Variants in TUBB8B observed in about 807,000 individuals in gnomAD.
TUBB8B encodes HSA18p11 beta-tubulin 4Q pseudogene.
TUBB8B carries 26 observed loss-of-function variants against 31.9 expected under a neutral mutation model. That is an observed-to-expected ratio of 0.81 (90% CI 0.60 to 1.13). The LOEUF is 1.13. Among genes scored for constraint, TUBB8B ranks in the 50% most tolerant of loss-of-function variants. The pLI, the probability that TUBB8B is intolerant of heterozygous loss-of-function variation, is 0.00. For missense variants in TUBB8B, 467 were observed against 586.7 expected (o/e 0.80, Z 2.11); for synonymous variants, 173 against 231.0 (o/e 0.75, Z 2.28).
the TUBB8B span, among the ~76,000 whole-genome samples, chr18:62,668 G>T: frequency 6.6e-6 from 1 of 151,612 alleles, no homozygotes; most frequent in African/African-American, 2.4e-5. Flanking sequence ...TGATCCACCC[G>T]CCTCAGCCTC....
Position 47,474 on chromosome 18 carries a change from G to T in TUBB8B, c.1251C>A (p.Asp417Glu), listed in dbSNP as rs778844661. Residue 417 changes from aspartate (D) to glutamate (E), a missense_variant, in exon 4 of 4, where the codon GAC becomes GAA. Physicochemically the swap from Asp to Glu is conservative, Grantham distance 45. Around this residue, in one of 2 missense-constraint regions of TUBB8B, gnomAD observed 208 missense variants for 206.7 expected, o/e 1.01. Transcript: ENST00000308911. ...GATATTGCTGATATTCAGACACCAG[G>T]TCGTTCATGTTGCTCTCGGCCTCGG... is the stretch of plus-strand genomic sequence containing the variant. ...EFTEAESNMN[D>E]LVSEYQQYQD... is the part of the protein sequence containing the mutation. 5 of 1,493,688 alleles carry T rather than the reference G, an allele frequency of 3.3e-6. No individual in the cohort carries two copies. In the South Asian group the frequency reaches 5.6e-5, roughly 17 times the overall value. 92.5% of individuals were successfully genotyped at this position (1,493,688 alleles called of 1,614,324 possible).
the TUBB8B span, among the ~76,000 whole-genome samples, chr18:57,354 C>T: frequency 9.9e-5 from 15 of 151,694 alleles, no homozygotes; most frequent in Non-Finnish European, 2.1e-4. Flanking sequence ...TACTCCTATT[C>T]TAAAAGGAAT....
the TUBB8B span, among the ~76,000 whole-genome samples, chr18:72,423 A>C: frequency 4.6e-5 from 7 of 152,342 alleles, no homozygotes; most frequent in South Asian, 1.5e-3. Flanking sequence ...ACGTCATTTT[A>C]TGTACCATTA....
the TUBB8B span, among the ~76,000 whole-genome samples, chr18:64,850 G>T: frequency 2.0e-5 from 3 of 152,034 alleles, no homozygotes; most frequent in African/African-American, 7.2e-5. Context: ...TTTTCTTTCT[G>T]CTAATTTTTT....
At chr18:69,496 T>C in the TUBB8B span, among the ~76,000 whole-genome samples, 4 of 152,074 alleles carry the variant, frequency 2.6e-5, no homozygotes, top group African/African-American at 9.7e-5. Flanking sequence ...AGACAGAGAA[T>C]TCTCTCTCTT....
upstream of TUBB8B, among the ~76,000 whole-genome samples, chr18:53,842 C>A (rs1906199975): frequency 6.6e-6 from 1 of 151,724 alleles, no homozygotes; most frequent in South Asian, 2.1e-4. Context: ...AGTTCATGGG[C>A]CTAAAGTAGG....
chr18:49,910 T>C (rs1906004227), upstream of TUBB8B: 3 of 493,676 alleles, frequency 6.1e-6, no homozygotes, highest in South Asian at 1.5e-5. Flanking sequence ...CTTGTTTCCA[T>C]ATGCACGGAG....
At position 49,145 on chromosome 18, in the gene TUBB8B, G is replaced by C. The variant is rs1905923443; in HGVS notation, c.150C>G (p.His50Gln). 6.6e-7 allele frequency: 1 copy of C among 1,509,662 alleles called. No homozygotes were observed. Among genetic ancestry groups the C allele is most frequent in the African/African-American group, 1.4e-5 (1 of 72,170 alleles). The allele number at this position is 1,509,662 out of a possible 1,614,324, so 93.5% of individuals were successfully genotyped here. ...SHLQLERINV[H>Q]HHEASGGRYV... ...GGGTCGCACCGCTGGCCTCGTGGTG[G>C]TGCACGTTGATGCGCTCCAGCTGCA... is the stretch of plus-strand genomic sequence containing the variant. Residue 50 changes from histidine (H) to glutamine (Q), a missense_variant, in exon 2 of 4, where the codon CAC becomes CAG. His to Gln is a conservative substitution (Grantham distance 24, BLOSUM62 0). Transcript: ENST00000308911.
At chr18:63,895 C>A in the TUBB8B span, among the ~76,000 whole-genome samples, 1 of 151,082 alleles carries the variant, frequency 6.6e-6, no homozygotes, top group African/African-American at 2.4e-5. Context: ...AACCCTAACC[C>A]TACCCCTAAC....
the TUBB8B span, among the ~76,000 whole-genome samples, chr18:61,855 C>A: frequency 6.7e-6 from 1 of 149,838 alleles, no homozygotes; most frequent in Non-Finnish European, 1.5e-5. Context: ...ATTGTTTACT[C>A]TTTCTATTTG....
the TUBB8B span, among the ~76,000 whole-genome samples, chr18:62,340 T>C: frequency 1.3e-5 from 2 of 151,686 alleles, no homozygotes; most frequent in Admixed American, 1.3e-4. Context: ...CTGCTTGATG[T>C]TCTGTAACTT....
upstream of TUBB8B, among the ~76,000 whole-genome samples, chr18:54,444 A>G (rs1387453287): frequency 6.6e-6 from 1 of 151,728 alleles, no homozygotes; most frequent in Non-Finnish European, 1.5e-5. Flanking sequence ...TTTTACCATA[A>G]TCACCCTGTT....
At chr18:64,656 C>T in the TUBB8B span, among the ~76,000 whole-genome samples, 2 of 152,044 alleles carry the variant, frequency 1.3e-5, no homozygotes, top group Admixed American at 6.6e-5. Context: ...ACCCGGGAGT[C>T]GGAGGTTGCT....
At chr18:69,515 TCCTAAATAAAAGCTTAAAAACA>T in the TUBB8B span, among the ~76,000 whole-genome samples, 3 of 152,002 alleles carry the variant, frequency 2.0e-5, no homozygotes, top group Admixed American at 6.6e-5. Context: ...TTCTGCTGCC[TCCTAAATAAAAGCTTAAAAACA>T]CCTAAATAAA....
At chr18:62,422 ATT>A in the TUBB8B span, among the ~76,000 whole-genome samples, 677 of 139,168 alleles carry the variant, frequency 4.9e-3, 8 homozygotes, top group African/African-American at 0.016. Context: ...TAAATGTTTA[ATT>A]TTTTTTTTTT....
the TUBB8B span, among the ~76,000 whole-genome samples, chr18:57,651 C>A: frequency 5.8e-3 from 874 of 151,916 alleles, 20 homozygotes; most frequent in South Asian, 0.011. Flanking sequence ...ATCTGTAGGA[C>A]AGTGATCCTC....
the TUBB8B span, among the ~76,000 whole-genome samples, chr18:72,196 A>AAAAAAACAAAAAAAAAAAAC: frequency 2.4e-5 from 2 of 84,544 alleles, 1 homozygote; most frequent in East Asian, 2.5e-3. Context: ...AAAAAAAAAA[A>AAAAAAACAAAAAAAAAAAAC]AAAGGAAAAA....
At chr18:73,349 C>A in the TUBB8B span, 474 of 166,138 alleles carry the variant, frequency 2.9e-3, 2 homozygotes, top group African/African-American at 0.011. Context: ...GGAGCTGCAG[C>A]AGCGTCTCCC....
the TUBB8B span, among the ~76,000 whole-genome samples, chr18:63,714 A>AACCCTTACCCTAACCCTAACC: frequency 5.1e-5 from 7 of 137,524 alleles, no homozygotes; most frequent in African/African-American, 2.0e-4. Context: ...TAACCCTAAC[A>AACCCTTACCCTAACCCTAACC]CTAACCCTAA....
Sources: gnomAD v4.1 joint callset for allele counts (sites outside exome capture counted in the v4.1 genomes callset) on GRCh38, gnomAD v4.1.1 for gene constraint, gnomAD v4.1.1 regional missense constraint, MANE v1.5 for transcripts, NCBI Gene and HGNC (gene_info 2026-07-23, HGNC 2026-07-21) for gene names.